The following SH3PXD2B variants were observed in gnomAD, a reference collection of about 807,000 sequenced individuals.
SH3PXD2B encodes the protein SH3 and PX domains 2B, also known as SH3 and PX domain-containing protein 2B.
A neutral mutation model predicts 73.1 loss-of-function variants in SH3PXD2B; 37 were observed. The observed-to-expected ratio is 0.51, with a 90% CI of 0.39 to 0.67. The LOEUF (loss-of-function observed/expected upper bound fraction) is 0.67, where lower values mean the gene tolerates loss of function less well. SH3PXD2B is among the 30% of genes least tolerant of loss of function. The probability of loss-of-function intolerance (pLI) is 0.00; values close to 1 mark genes in which losing one functional copy is unlikely to be tolerated. For synonymous variants in SH3PXD2B, 457 were observed against 480.5 expected, an observed-to-expected ratio of 0.95 and a Z score of 0.64; for missense variants, 1,053 against 1,197.8, an observed-to-expected ratio of 0.88 and a Z score of 1.78.
Position 172,391,607 on chromosome 5 carries a change from C to T in SH3PXD2B, c.309+2956G>A, listed in dbSNP as rs749471870. On this transcript the variant is annotated intron_variant, in intron 4 of 12. Transcript: ENST00000311601. ...CCTCCCAAGTAGCTGGGATTACAAG[C>T]GTGTGCCACTAAGCCCGGCTAGTTT... Among the ~76,000 whole-genome samples, 17 of 152,202 alleles carry T rather than the reference C, an allele frequency of 1.1e-4. 1 individual carries two copies. In the East Asian group the frequency reaches 2.3e-3, roughly 21 times the overall value.
chr5:172,440,011 C>T (rs1406937362), intron 1 of SH3PXD2B, among the ~76,000 whole-genome samples: 7 of 152,140 alleles, frequency 4.6e-5, no homozygotes, highest in Non-Finnish European at 8.8e-5. Context: ...CAGGCTCAGC[C>T]GGAACCAACC....
intron 1 of SH3PXD2B, among the ~76,000 whole-genome samples, chr5:172,451,416 A>G (rs888691201): frequency 6.6e-6 from 1 of 152,084 alleles, no homozygotes; most frequent in Non-Finnish European, 1.5e-5. Context: ...CAATGCCTGG[A>G]GGCCTTTTGG....
chr5:172,447,066 G>A (rs1343999910), intron 1 of SH3PXD2B, among the ~76,000 whole-genome samples: 1 of 152,120 alleles, frequency 6.6e-6, no homozygotes, highest in African/African-American at 2.4e-5. Flanking sequence ...GGATCTGGCT[G>A]GAGCTGCCCC....
At chr5:172,450,683 C>T (rs1581350091) in intron 1 of SH3PXD2B, among the ~76,000 whole-genome samples, 1 of 152,076 alleles carries the variant, frequency 6.6e-6, no homozygotes, top group Non-Finnish European at 1.5e-5. Context: ...ACTAATGCTT[C>T]TGTACATCCC....
intron 1 of SH3PXD2B, among the ~76,000 whole-genome samples, chr5:172,430,634 A>G (rs1759213589): frequency 6.6e-6 from 1 of 152,214 alleles, no homozygotes; most frequent in African/African-American, 2.4e-5. Context: ...GAACTGTCCT[A>G]GGTCAGCCGG....
intron 1 of SH3PXD2B, among the ~76,000 whole-genome samples, chr5:172,427,092 C>G (rs942729727): frequency 6.6e-5 from 10 of 152,142 alleles, no homozygotes; most frequent in Middle Eastern, 3.2e-3. Context: ...TGGAAACAAC[C>G]CAAGTGTCCA....
Position 172,350,352 on chromosome 5 carries a change from G to T in SH3PXD2B, c.1012+11C>A, listed in dbSNP as rs1461024093. 6.2e-7 allele frequency: 1 copy of T among 1,612,908 alleles called. No individual in the cohort carries two copies. Among genetic ancestry groups the T allele is most frequent in the Non-Finnish European group, 8.5e-7 (1 of 1,179,566 alleles). On this transcript the variant is annotated intron_variant, in intron 10 of 12. Coordinates refer to ENST00000311601, the MANE Select transcript of SH3PXD2B (RefSeq NM_001017995.3). ...CCCTGATTATCAGGAGCTTGGGCGG[G>T]TGTCACTCACTCTGCTTGGCGTCAC... is the stretch of plus-strand genomic sequence containing the variant.
chr5:172,417,921 G>T (rs1362895032), intron 2 of SH3PXD2B, among the ~76,000 whole-genome samples: 1 of 152,120 alleles, frequency 6.6e-6, no homozygotes, highest in East Asian at 1.9e-4. Context: ...ACCCCGAAAA[G>T]GTACCCAGTA....
At chr5:172,398,160 T>C (rs189118161) in intron 3 of SH3PXD2B, among the ~76,000 whole-genome samples, 1 of 152,380 alleles carries the variant, frequency 6.6e-6, no homozygotes, top group African/African-American at 2.4e-5. Flanking sequence ...TGGTAACCAA[T>C]TTAAGGGCTA....
intron 3 of SH3PXD2B, among the ~76,000 whole-genome samples, chr5:172,398,872 G>A (rs1758366121): frequency 1.3e-5 from 2 of 152,136 alleles, no homozygotes; most frequent in African/African-American, 2.4e-5. Flanking sequence ...CAGTTATCTA[G>A]AGTACAGCCG....
At chr5:172,343,698 G>C (rs1467477034) in intron 12 of SH3PXD2B, among the ~76,000 whole-genome samples, 5 of 152,040 alleles carry the variant, frequency 3.3e-5, no homozygotes, top group African/African-American at 1.2e-4. Flanking sequence ...CCAGCTACTT[G>C]GGAGGCTGAG....
chr5:172,399,101 C>G (rs1376199498), intron 3 of SH3PXD2B, among the ~76,000 whole-genome samples: 1 of 152,214 alleles, frequency 6.6e-6, no homozygotes. Flanking sequence ...TCCTTTAAAA[C>G]AGCTTGAAGT....
At position 172,379,069 on chromosome 5, in the gene SH3PXD2B, C is replaced by CAAA. The variant is rs61301407; in HGVS notation, c.401+2964_401+2966dup. Among the ~76,000 whole-genome samples the CAAA allele has an allele frequency of 4.1e-3, 315 of 75,946 alleles. 5 individuals are homozygous for CAAA. The highest frequency in any genetic ancestry group is 0.015 in the African/African-American group (291 of 19,920). The allele number at this position is 75,946 out of a possible 152,430, so 49.8% of individuals were successfully genotyped here. A position where few individuals can be genotyped will look rare whatever the true frequency, so the allele number is the denominator to read the frequency against. On this transcript the variant is annotated intron_variant, in intron 5 of 12. Transcript: ENST00000311601. Reference sequence around the variant, plus strand: ...TGGGTGATAGAGCAAGACTCTGTCTCAAAAAAAAAAAAAAAAAAAAAAGGA... The same window carrying CAAA: ...TGGGTGATAGAGCAAGACTCTGTCTCAAAAAAAAAAAAAAAAAAAAAAAAAGGA...
intron 4 of SH3PXD2B, among the ~76,000 whole-genome samples, chr5:172,391,142 G>A (rs1476045896): frequency 1.3e-5 from 2 of 152,052 alleles, no homozygotes; most frequent in African/African-American, 4.8e-5. Context: ...CGCCCGGCTT[G>A]CAGCTTCCTA....
chr5:172,378,493 C>G (rs1223685301), intron 5 of SH3PXD2B, among the ~76,000 whole-genome samples: 2 of 152,164 alleles, frequency 1.3e-5, no homozygotes, highest in African/African-American at 2.4e-5. Flanking sequence ...CTAAGTGGTC[C>G]AAGATGCTCC....
rs938388634 is a variant in SH3PXD2B at position 172,353,809 on chromosome 5, G to A, written c.785+79C>T. 6 of 1,094,940 alleles carry A rather than the reference G, an allele frequency of 5.5e-6. No homozygotes were observed. The African/African-American group carries it at 9.3e-5, about 17-fold the overall frequency. 67.8% of individuals were successfully genotyped at this position (1,094,940 alleles called of 1,614,324 possible). On this transcript the variant is annotated intron_variant, in intron 9 of 12. Coordinates refer to ENST00000311601, the MANE Select transcript of SH3PXD2B (RefSeq NM_001017995.3). The surrounding 1 kb of genome is among the most constrained non-coding windows in gnomAD (Gnocchi z 4.3). ...GCAATCACTTACCGACCTCTGTGAGGCCAGAGTCCCTGTGACCCCAAACCC... is the reference window on the plus strand; with the variant it reads ...GCAATCACTTACCGACCTCTGTGAGACCAGAGTCCCTGTGACCCCAAACCC...
chr5:172,342,993 C>T (rs900918435), intron 12 of SH3PXD2B, among the ~76,000 whole-genome samples: 5 of 152,216 alleles, frequency 3.3e-5, no homozygotes, highest in African/African-American at 9.7e-5. Context: ...TCAGATTCCA[C>T]ATCACAGAAG....
chr5:172,358,648 A>T (rs962900058), intron 8 of SH3PXD2B, 125 bp downstream of exon 8: 2 of 899,774 alleles, frequency 2.2e-6, no homozygotes. Flanking sequence ...ATGGAGCCTC[A>T]GCCAGTGAGC....
At chr5:172,409,635 C>T (rs1581316878) in intron 2 of SH3PXD2B, among the ~76,000 whole-genome samples, 1 of 152,154 alleles carries the variant, frequency 6.6e-6, no homozygotes, top group Admixed American at 6.5e-5. Flanking sequence ...TATGTTGCTG[C>T]AAATGACAGG....
Sources: gnomAD v4.1 joint callset for allele counts (sites outside exome capture counted in the v4.1 genomes callset) on GRCh38, gnomAD v4.1.1 for gene constraint, Gnocchi (gnomAD v3.1) non-coding constraint, MANE v1.5 for transcripts, NCBI Gene and HGNC (gene_info 2026-07-23, HGNC 2026-07-21) for gene names.